The following EHBP1 variants were observed in gnomAD, a reference collection of about 807,000 sequenced individuals.
EHBP1 encodes the protein EH domain binding protein 1.
EHBP1 carries 55 observed loss-of-function variants against 144.0 expected under a neutral mutation model. The ratio of observed to expected loss-of-function variants is 0.38; its 90% CI spans 0.31 to 0.48. The LOEUF (loss-of-function observed/expected upper bound fraction) is 0.48, where lower values mean the gene tolerates loss of function less well. Among genes scored for constraint, EHBP1 ranks in the 20% least tolerant of loss-of-function variants. EHBP1 has a pLI of 0.98. For synonymous variants in EHBP1, 469 were observed against 472.7 expected (o/e 0.99, Z 0.10); for missense variants, 1,200 against 1,364.2 (o/e 0.88, Z 1.90).
chr2:63,019,877 AAGGAAGGAAGGAAGG>A (rs2060647727), intron 19 of EHBP1, among the ~76,000 whole-genome samples: 2 of 143,334 alleles, frequency 1.4e-5, no homozygotes, highest in African/African-American at 5.1e-5. Context: ...GGAAGGAAGG[AAGGAAGGAAGGAAGG>A]AAAAAAAAAT....
intron 10 of EHBP1, among the ~76,000 whole-genome samples, chr2:62,928,840 C>CAA (rs760426482): frequency 3.4e-4 from 22 of 65,254 alleles, no homozygotes; most frequent in African/African-American, 8.2e-4. Context: ...AGACTAAGAA[C>CAA]AAAAAAAAAA....
intron 7 of EHBP1, among the ~76,000 whole-genome samples, chr2:62,840,520 A>G (rs2047731742): frequency 2.0e-5 from 3 of 150,488 alleles, no homozygotes; most frequent in Admixed American, 2.0e-4. Context: ...GCTTCTGCAC[A>G]GCAAAAGAAA....
At chr2:62,889,492 C>T (rs568327052) in intron 10 of EHBP1, among the ~76,000 whole-genome samples, 1 of 152,154 alleles carries the variant, frequency 6.6e-6, no homozygotes, top group East Asian at 1.9e-4. Context: ...TTCCTGAATG[C>T]TATTGCCTAG....
intron 5 of EHBP1, among the ~76,000 whole-genome samples, chr2:62,778,905 CT>C (rs1285188207): frequency 6.6e-6 from 1 of 151,906 alleles, no homozygotes; most frequent in Non-Finnish European, 1.5e-5. Flanking sequence ...AGGCATCTCA[CT>C]TCAATGTCTG....
intron 13 of EHBP1, 36 bp from the exon 14 acceptor site, chr2:62,955,481 T>G (rs750693793): frequency 1.9e-6 from 3 of 1,580,136 alleles, no homozygotes; most frequent in Non-Finnish European, 2.6e-6. Context: ...TACCCGTTTT[T>G]TTTTTGGCTT....
intron 10 of EHBP1, among the ~76,000 whole-genome samples, chr2:62,910,512 T>A (rs185042315): frequency 2.6e-3 from 393 of 152,262 alleles, no homozygotes; most frequent in African/African-American, 8.4e-3. Context: ...TGTTGTAAAC[T>A]CTATAAGAAA....
In EHBP1 at chr2:63,036,672, G is replaced by A. The variant is rs527862141; in HGVS notation, c.3104-863G>A. 3.9e-5 allele frequency among the ~76,000 whole-genome samples: 6 copies of A among 152,042 alleles called. No homozygotes were observed. In the East Asian group the frequency reaches 9.7e-4, roughly 24 times the overall value. Reference sequence around the variant, plus strand: ...CGACTAGGTATAATTTGAAGGGAGAGAAAGGAAGCTAGGAAAATTAATATT... The same window carrying A: ...CGACTAGGTATAATTTGAAGGGAGAAAAAGGAAGCTAGGAAAATTAATATT... On this transcript the variant is annotated intron_variant, in intron 19 of 22. Coordinates refer to ENST00000431489, the MANE Select transcript of EHBP1 (RefSeq NM_001142616.3).
chr2:63,023,774 G>T (rs2060857612), intron 19 of EHBP1, among the ~76,000 whole-genome samples: 1 of 152,108 alleles, frequency 6.6e-6, no homozygotes, highest in South Asian at 2.1e-4. Flanking sequence ...TATATCTGTT[G>T]TGCTTTTGAA....
intron 7 of EHBP1, among the ~76,000 whole-genome samples, chr2:62,836,543 G>A (rs1202759995): frequency 2.2e-5 from 3 of 138,978 alleles, no homozygotes; most frequent in African/African-American, 8.1e-5. Context: ...ATTACTCTGA[G>A]CTACGGGAGG....
At chr2:62,880,158 A>T (rs536329190) in intron 10 of EHBP1, among the ~76,000 whole-genome samples, 3 of 152,212 alleles carry the variant, frequency 2.0e-5, no homozygotes, top group Non-Finnish European at 4.4e-5. Context: ...CTGGATAGCC[A>T]TGTAAAGAAG....
At chr2:62,899,751 C>G (rs2053245245) in intron 10 of EHBP1, among the ~76,000 whole-genome samples, 1 of 152,186 alleles carries the variant, frequency 6.6e-6, no homozygotes, top group South Asian at 2.1e-4. Context: ...ATCTGGGTCT[C>G]TTTCCATATA....
At chr2:62,739,379 TGATA>T (rs2038466236) in intron 2 of EHBP1, among the ~76,000 whole-genome samples, 13 of 151,810 alleles carry the variant, frequency 8.6e-5, no homozygotes, top group Admixed American at 8.5e-4. Context: ...ATGGTCAGAT[TGATA>T]GATTCTTTTT....
intron 2 of EHBP1, among the ~76,000 whole-genome samples, chr2:62,742,229 G>A (rs1287985151): frequency 6.6e-6 from 1 of 151,968 alleles, no homozygotes; most frequent in African/African-American, 2.4e-5. Context: ...TCTATCTATC[G>A]TTAAGCAGAG....
intron 10 of EHBP1, among the ~76,000 whole-genome samples, chr2:62,898,293 T>C (rs915110154): frequency 2.0e-5 from 3 of 152,176 alleles, no homozygotes; most frequent in Non-Finnish European, 4.4e-5. Context: ...ATAAAGATTT[T>C]TATTGAATTG....
Position 62,816,452 on chromosome 2 carries a change from GT to G in EHBP1, c.313-9633del, listed in dbSNP as rs2045456753. ...CCCACATAAACAGAAGCTCTTTGGA[GT>G]TCTCAAATAAAGTGTATAAAGGGTC... is the stretch of plus-strand genomic sequence containing the variant. On this transcript the variant is annotated intron_variant, in intron 5 of 22. Transcript: ENST00000431489. 2.6e-5 allele frequency among the ~76,000 whole-genome samples: 4 copies of G among 152,174 alleles called. No homozygotes were observed. The South Asian group carries it at 8.3e-4, about 31-fold the overall frequency.
intron 19 of EHBP1, among the ~76,000 whole-genome samples, chr2:63,029,970 A>T (rs377733562): frequency 6.6e-6 from 1 of 152,112 alleles, no homozygotes; most frequent in Non-Finnish European, 1.5e-5. Context: ...ATCTCAGGTG[A>T]TCTGCCCACC....
chr2:62,879,028 A>C (rs549300342), intron 10 of EHBP1, among the ~76,000 whole-genome samples: 74 of 152,194 alleles, frequency 4.9e-4, no homozygotes, highest in South Asian at 1.2e-3. Context: ...AAAAAAAAAA[A>C]AAACAAAAAA....
At chr2:62,974,177 T>C (rs1162593689) in intron 14 of EHBP1, among the ~76,000 whole-genome samples, 2 of 152,162 alleles carry the variant, frequency 1.3e-5, no homozygotes, top group African/African-American at 4.8e-5. Context: ...TCTCTTCTTT[T>C]GCCCCTACCA....
chr2:62,740,420 T>A (rs1048217621), intron 2 of EHBP1, among the ~76,000 whole-genome samples: 2 of 152,202 alleles, frequency 1.3e-5, no homozygotes, highest in African/African-American at 4.8e-5. Context: ...TATAATTAAC[T>A]GGAACTGTAG....
Sources: gnomAD v4.1 joint callset for allele counts (sites outside exome capture counted in the v4.1 genomes callset) on GRCh38, gnomAD v4.1.1 for gene constraint, MANE v1.5 for transcripts, NCBI Gene and HGNC (gene_info 2026-07-23, HGNC 2026-07-21) for gene names.